The following CCDC146 variants were observed in gnomAD, a reference collection of about 807,000 sequenced individuals.
CCDC146 encodes coiled-coil domain containing 146, also known as coiled-coil domain-containing protein 146.
In CCDC146, 92 loss-of-function variants were observed where a neutral mutation model predicts 119.3. The ratio of observed to expected loss-of-function variants is 0.77; its 90% CI spans 0.65 to 0.92. The LOEUF (loss-of-function observed/expected upper bound fraction) is 0.92. CCDC146 is among the 40% of genes least tolerant of loss of function. The probability of loss-of-function intolerance (pLI) is 0.00; values close to 1 mark genes in which losing one functional copy is unlikely to be tolerated. For missense variants in CCDC146, 1,000 were observed against 1,103.0 expected, an observed-to-expected ratio of 0.91 and a Z score of 1.32; for synonymous variants, 372 against 371.8, an observed-to-expected ratio of 1.00 and a Z score of -0.01.
chr7:77,225,738 T>C (rs1041176850), intron 2 of CCDC146, among the ~76,000 whole-genome samples: 1 of 151,894 alleles, frequency 6.6e-6, no homozygotes, highest in Admixed American at 6.6e-5. Flanking sequence ...ATGTCAGAAG[T>C]TCAAGACCAG....
intron 1 of CCDC146, among the ~76,000 whole-genome samples, chr7:77,143,829 T>C (rs927071012): frequency 6.6e-6 from 1 of 151,836 alleles, no homozygotes; most frequent in African/African-American, 2.4e-5. Context: ...CCTTGTAGTA[T>C]AGTTTGAAGT....
chr7:77,239,782 G>T (rs185798705), intron 3 of CCDC146, among the ~76,000 whole-genome samples: 2 of 152,318 alleles, frequency 1.3e-5, no homozygotes, highest in South Asian at 2.1e-4. Context: ...GCTGATGCTA[G>T]CTTGCAGCAT....
chr7:77,259,052 A>G lies in CCDC146; in HGVS notation c.742A>G (p.Ile248Val), dbSNP rs529454037. ...PVQIGKEIEKITRKKVEMEKK... is the reference protein window; with the variant it reads ...PVQIGKEIEKVTRKKVEMEKK... ...ACAAATTGGAAAAGAGATAGAAAAA[A>G]TAACACGCAAAAAAGTGTATGATTT... Residue 248 changes from isoleucine to valine, a missense_variant, in exon 7 of 19, where the codon ATA (isoleucine) becomes GTA (valine). Physicochemically the swap from Ile to Val is conservative, Grantham distance 29 (BLOSUM62 3). Coordinates refer to ENST00000285871, the MANE Select transcript of CCDC146 (RefSeq NM_020879.3). 58 of 1,607,020 alleles carry G rather than the reference A, an allele frequency of 3.6e-5. No individual in the cohort carries two copies. The African/African-American group carries it at 6.1e-4, about 17-fold the overall frequency.
chr7:77,216,884 G>A (rs1171060052), intron 2 of CCDC146, among the ~76,000 whole-genome samples: 1 of 152,132 alleles, frequency 6.6e-6, no homozygotes, highest in African/African-American at 2.4e-5. Context: ...CATGTTAACT[G>A]AATGTTTCCT....
At chr7:77,293,419 C>T (rs1793987225) in intron 18 of CCDC146, among the ~76,000 whole-genome samples, 1 of 152,210 alleles carries the variant, frequency 6.6e-6, no homozygotes, top group African/African-American at 2.4e-5. Flanking sequence ...AAGCACAGGG[C>T]CCACCCCATA....
chr7:77,197,436 C>A (rs1352584647), intron 2 of CCDC146, among the ~76,000 whole-genome samples: 1 of 152,216 alleles, frequency 6.6e-6, no homozygotes, highest in Non-Finnish European at 1.5e-5. Context: ...TTCACCTGAG[C>A]TTTAAGTGGC....
chr7:77,245,096 A>G (rs1017659905), intron 4 of CCDC146, among the ~76,000 whole-genome samples: 2 of 152,246 alleles, frequency 1.3e-5, no homozygotes, highest in East Asian at 3.8e-4. Flanking sequence ...TTCACATAAC[A>G]TAAATCTTTT....
chr7:77,154,608 A>C (rs1158954240), intron 1 of CCDC146, among the ~76,000 whole-genome samples: 5 of 151,856 alleles, frequency 3.3e-5, no homozygotes, highest in Admixed American at 3.3e-4. Context: ...TTCCAGTTTC[A>C]TCCATGTCCC....
At chr7:77,268,178 T>C (rs1272649347) in intron 9 of CCDC146, among the ~76,000 whole-genome samples, 4 of 152,196 alleles carry the variant, frequency 2.6e-5, no homozygotes, top group African/African-American at 9.7e-5. Context: ...AAAGATTAGA[T>C]GGAGACCAAA....
chr7:77,166,745 C>A (rs546435376), intron 1 of CCDC146, among the ~76,000 whole-genome samples: 1 of 151,894 alleles, frequency 6.6e-6, no homozygotes, highest in African/African-American at 2.4e-5. Context: ...TATTGGTAAC[C>A]TTCAGAGAAC....
At chr7:77,201,385 TAC>T (rs1791984605) in intron 2 of CCDC146, among the ~76,000 whole-genome samples, 2 of 70,776 alleles carry the variant, frequency 2.8e-5, no homozygotes, top group Non-Finnish European at 2.6e-5. Flanking sequence ...CTACTAAAAA[TAC>T]AAAAAAAAAA....
At chr7:77,128,988 A>G (rs952153870) in intron 1 of CCDC146, among the ~76,000 whole-genome samples, 5 of 152,124 alleles carry the variant, frequency 3.3e-5, no homozygotes, top group Non-Finnish European at 7.3e-5. Context: ...TCCTAATTCT[A>G]TGTTTGAAAC....
intron 4 of CCDC146, among the ~76,000 whole-genome samples, chr7:77,245,095 CATAA>C (rs957577835): frequency 6.6e-6 from 1 of 152,158 alleles, no homozygotes; most frequent in Non-Finnish European, 1.5e-5. Flanking sequence ...GTTCACATAA[CATAA>C]ATCTTTTAAT....
At chr7:77,258,961 C>G in intron 6 of CCDC146, 34 bp from the exon 7 acceptor site, 1 of 1,431,894 alleles carries the variant, frequency 7.0e-7, no homozygotes, top group South Asian at 1.2e-5. Flanking sequence ...AGCCGAAGAC[C>G]GCATAATTTA....
intron 11 of CCDC146, among the ~76,000 whole-genome samples, chr7:77,277,758 C>A (rs576869785): frequency 2.3e-4 from 35 of 152,268 alleles, no homozygotes; most frequent in African/African-American, 6.7e-4. Flanking sequence ...AATCTTGGCT[C>A]TATGGCTAGT....
chr7:77,193,677 A>G (rs1424022724), intron 2 of CCDC146: 1 of 152,150 alleles, frequency 6.6e-6, no homozygotes, highest in Admixed American at 6.5e-5. Flanking sequence ...TACTATTATC[A>G]GTAAAATTTG....
chr7:77,170,521 C>T (rs1192520865), intron 2 of CCDC146, among the ~76,000 whole-genome samples: 1 of 152,108 alleles, frequency 6.6e-6, no homozygotes, highest in Non-Finnish European at 1.5e-5. Flanking sequence ...TGAATGGTAG[C>T]TCTGTTTTAA....
chr7:77,281,125 A>G lies in CCDC146; in HGVS notation c.1919+472A>G, dbSNP rs114425282. ...CTCCAAAAACAAACAAAAAAAAAAA[A>G]AGAGAGAAAGAAAGAAATACCGTCC... On this transcript the variant is annotated intron_variant, in intron 14 of 18. Coordinates refer to ENST00000285871, the MANE Select transcript of CCDC146 (RefSeq NM_020879.3). Among the ~76,000 whole-genome samples, 861 of 143,678 alleles carry G rather than the reference A, an allele frequency of 6.0e-3. 9 individuals carry two copies. Among genetic ancestry groups the G allele is most frequent in the African/African-American group, 0.02 (743 of 37,024 alleles). The allele number at this position is 143,678 out of a possible 152,430, so 94.3% of individuals were successfully genotyped here. A position where few individuals can be genotyped will look rare whatever the true frequency, so the allele number is the denominator to read the frequency against.
intron 4 of CCDC146, among the ~76,000 whole-genome samples, chr7:77,252,278 G>A (rs1793090391): frequency 6.6e-6 from 1 of 152,150 alleles, no homozygotes; most frequent in African/African-American, 2.4e-5. Context: ...AAGAAGTAAT[G>A]GCTGAAAACT....
Sources: gnomAD v4.1 joint callset for allele counts (sites outside exome capture counted in the v4.1 genomes callset) on GRCh38, gnomAD v4.1.1 for gene constraint, MANE v1.5 for transcripts, NCBI Gene and HGNC (gene_info 2026-07-23, HGNC 2026-07-21) for gene names.